Variants in ASAH1 observed in about 807,000 individuals in gnomAD.
ASAH1 encodes N-acylsphingosine amidohydrolase 1, also known as acid ceramidase.
In ASAH1, 70 loss-of-function variants were observed where a neutral mutation model predicts 59.5. The ratio of observed to expected loss-of-function variants is 1.18; its 90% CI spans 0.97 to 1.43. The LOEUF is 1.43. Ranked by LOEUF, ASAH1 falls within the 40% of genes most tolerant of loss-of-function variation. The pLI, the probability that ASAH1 is intolerant of heterozygous loss-of-function variation, is 0.00. For synonymous variants in ASAH1, 213 were observed against 166.5 expected (o/e 1.28, Z -2.15); for missense variants, 660 against 482.5 (o/e 1.37, Z -3.45).
At chr8:18,060,249 C>T (rs1053206831) in intron 10 of ASAH1, 2 of 156,454 alleles carry the variant, frequency 1.3e-5, no homozygotes, top group African/African-American at 4.8e-5. Flanking sequence ...GCCTTCGCCT[C>T]CCAAAGTACT....
At position 18,065,984 on chromosome 8, in the gene ASAH1, T is replaced by C. The variant is rs559296421; in HGVS notation, c.382+1236A>G. 3.3e-5 allele frequency: 5 copies of C among 152,022 alleles called. 1 individual carries two copies. The highest frequency in any genetic ancestry group is 3.9e-4 in the East Asian group (2 of 5,180). The allele number at this position is 152,022 out of a possible 1,614,324, so 9.4% of individuals were successfully genotyped here. A position where few individuals can be genotyped will look rare whatever the true frequency, so the allele number is the denominator to read the frequency against. ...GCTGAGGAAAGGATAGCCTTTTGAATTGATGCTGTTTAACTAACTGGATAT... is the reference window on the plus strand; with the variant it reads ...GCTGAGGAAAGGATAGCCTTTTGAACTGATGCTGTTTAACTAACTGGATAT... On this transcript the variant is annotated intron_variant, in intron 5 of 13. Transcript: ENST00000637790.
intron 13 of ASAH1, chr8:18,058,168 G>C (rs771202271): frequency 3.3e-5 from 5 of 153,206 alleles, no homozygotes; most frequent in African/African-American, 4.8e-5. Context: ...TAGGCAAAAC[G>C]CAAGTATGGC....
intron 12 of ASAH1, 115 bp from the exon 13 acceptor site, chr8:18,059,006 C>G: frequency 1.1e-6 from 1 of 939,682 alleles, no homozygotes; most frequent in Admixed American, 2.0e-5. Context: ...TCCCCTCCAT[C>G]CCCGCAGTGG....
At chr8:18,084,825 C>G (rs1255945125), upstream of ASAH1, 3 of 1,611,934 alleles carry the variant, frequency 1.9e-6, no homozygotes, top group Non-Finnish European at 2.5e-6. Context: ...TTCCTCCTAA[C>G]TGGCGAAGGA....
intron 2 of ASAH1, among the ~76,000 whole-genome samples, chr8:18,074,780 A>G (rs1383221532): frequency 6.6e-6 from 1 of 152,232 alleles, no homozygotes; most frequent in Non-Finnish European, 1.5e-5. Flanking sequence ...TAGGTGTTCC[A>G]ATCCTGTTTT....
At chr8:18,066,179 A>G (rs1177610862) in intron 5 of ASAH1, 1 of 152,090 alleles carries the variant, frequency 6.6e-6, no homozygotes, top group Non-Finnish European at 1.5e-5. Flanking sequence ...AAATGGATAC[A>G]AAAGGCACTA....
intron 1 of ASAH1, among the ~76,000 whole-genome samples, chr8:18,077,188 A>G (rs1800438497): frequency 6.6e-6 from 1 of 152,258 alleles, no homozygotes; most frequent in African/African-American, 2.4e-5. Context: ...TTATATCCAC[A>G]AGAGCAAATG....
In ASAH1 at chr8:18,072,986, G is replaced by A. The variant is rs112108746; in HGVS notation, c.126-1596C>T. Among the ~76,000 whole-genome samples the A allele has an allele frequency of 3.9e-5, 6 of 152,230 alleles. 1 individual carries two copies. Among genetic ancestry groups the A allele is most frequent in the African/African-American group, 1.4e-4 (6 of 41,538 alleles). On this transcript the variant is annotated intron_variant, in intron 2 of 13. Coordinates refer to ENST00000637790, the MANE Select transcript of ASAH1 (RefSeq NM_177924.5). ...GTCCTGGGTAGGTTCATGGATCTCA[G>A]AGACGCGATGAGAGGGGATGAACAC...
chr8:18,069,795 T>G lies in ASAH1; in HGVS notation c.300A>C (p.Lys100Asn), dbSNP rs769080913. The change falls in exon 4 of 14, where the codon AAA becomes AAC. Residue 100 changes from lysine to asparagine, a missense_variant. Lys to Asn is a moderately conservative substitution (Grantham distance 94). Coordinates refer to ENST00000637790, the MANE Select transcript of ASAH1 (RefSeq NM_177924.5). The part of the protein sequence containing the change: ...SGKIMQVVDE[K>N]LPGLLGNFPG... ...TGTGAGAAATAATATCTCTTACCAA[T>G]TTTTCATCCACCACCTGCATAATTT... 2 of 1,563,190 alleles carry G rather than the reference T, an allele frequency of 1.3e-6. No individual in the cohort carries two copies. Among genetic ancestry groups the G allele is most frequent in the Middle Eastern group, 1.7e-4 (1 of 5,970 alleles).
At chr8:18,064,723 A>C in intron 5 of ASAH1, 192 bp from the exon 6 acceptor site, 1 of 557,908 alleles carries the variant, frequency 1.8e-6, no homozygotes, top group Non-Finnish European at 3.2e-6. Flanking sequence ...GAAACAAGTC[A>C]CCAAGGAGGC....
Position 18,067,311 on chromosome 8 carries a change from TA to T in ASAH1, c.304-14del. 6.4e-7 allele frequency: 1 copy of T among 1,552,320 alleles called. No individual in the cohort carries two copies. The highest frequency in any genetic ancestry group is 8.8e-7 in the Non-Finnish European group (1 of 1,142,114). Reference sequence around the variant, plus strand: ...CAAGTAGGCCAGGCTGGAAAACAAATATATTAATAAAAGCATTTAACATAAT... The same window carrying T: ...CAAGTAGGCCAGGCTGGAAAACAAATTATTAATAAAAGCATTTAACATAAT... On this transcript the variant is annotated splice_polypyrimidine_tract_variant and intron_variant, in intron 4 of 13. Coordinates refer to ENST00000637790, the MANE Select transcript of ASAH1 (RefSeq NM_177924.5).
intron 12 of ASAH1, 116 bp from the exon 13 acceptor site, chr8:18,059,007 C>A: frequency 1.1e-6 from 1 of 929,352 alleles, no homozygotes; most frequent in Non-Finnish European, 1.7e-6. Context: ...CCCCTCCATC[C>A]CCGCAGTGGA....
chr8:18,073,416 G>T, intron 2 of ASAH1: 2 of 892,304 alleles, frequency 2.2e-6, no homozygotes, highest in Non-Finnish European at 3.5e-6. Flanking sequence ...TGTTTGCAAT[G>T]TCCATGCCAT....
At chr8:18,079,100 A>C (rs538784238) in intron 1 of ASAH1, among the ~76,000 whole-genome samples, 35 of 150,060 alleles carry the variant, frequency 2.3e-4, no homozygotes, top group Non-Finnish European at 4.2e-4. Context: ...AACATGGCGA[A>C]ATCCCCGTTA....
upstream of ASAH1, chr8:18,084,524 C>T (rs999964298): frequency 4.3e-6 from 6 of 1,407,586 alleles, no homozygotes; most frequent in African/African-American, 5.7e-5. Flanking sequence ...TAACATCCCA[C>T]CCTGACCCAT....
chr8:18,064,622 T>C (rs771577083), intron 5 of ASAH1, 91 bp from the exon 6 acceptor site: 42 of 787,230 alleles, frequency 5.3e-5, no homozygotes, highest in Non-Finnish European at 7.3e-5. Flanking sequence ...GTTTTCATTG[T>C]GTGAGTGTGT....
rs761518207 is a variant in ASAH1 at position 18,062,377 on chromosome 8, G to A, written c.550C>T (p.Pro184Ser). The A allele has an allele frequency of 1.2e-6, 2 of 1,614,096 alleles. No individual in the cohort carries two copies. The highest frequency in any genetic ancestry group is 2.2e-5 in the East Asian group (1 of 44,876). Residue 184 changes from proline to serine, a missense_variant, in exon 8 of 14, where the codon CCT becomes TCT. Coordinates refer to ENST00000637790, the MANE Select transcript of ASAH1 (RefSeq NM_177924.5). ...TGGAAATCCAAATTCACTGTTAAAG[G>A]TTTTAGTTGCTCAGTTATGACCCAG... ...DTWVITEQLK[P>S]LTVNLDFQRN...
chr8:18,062,318 G>C lies in ASAH1; in HGVS notation c.609C>G (p.Ser203Arg). The C allele has an allele frequency of 6.2e-7, 1 of 1,614,218 alleles. No individual in the cohort carries two copies. Among genetic ancestry groups the C allele is most frequent in the Non-Finnish European group, 8.5e-7 (1 of 1,180,036 alleles). Residue 203 changes from serine (S) to arginine (R), a missense_variant, in exon 8 of 14, where the codon AGC (serine) becomes AGG (arginine). Physicochemically the swap from Ser to Arg is moderately radical, Grantham distance 110. Transcript: ENST00000637790. ...TTAACATGCCCACATAGCCAGCAAA[G>C]CTTGAAGCCTTGAAGACAGTTTTGT... is the stretch of plus-strand genomic sequence containing the variant. ...RNNKTVFKAS[S>R]FAGYVGMLTG...
At chr8:18,067,108 T>TGCTGTATATCTAAGACATACAGCACCTGC in intron 5 of ASAH1, 112 bp downstream of exon 5, 1 of 484,274 alleles carries the variant, frequency 2.1e-6, no homozygotes, top group Non-Finnish European at 2.9e-6. Flanking sequence ...TGTGCACCTG[T>TGCTGTATATCTAAGACATACAGCACCTGC]GCTGTATATC....
Sources: allele counts gnomAD v4.1 joint callset (sites outside exome capture counted in the v4.1 genomes callset), GRCh38; gene constraint gnomAD v4.1.1; transcripts MANE v1.5; gene names NCBI Gene and HGNC (gene_info 2026-07-23, HGNC 2026-07-21).